LUM: variants seen among roughly 807,000 people sequenced by gnomAD.
The protein encoded by LUM is lumican.
In LUM, 13 loss-of-function variants were observed where a neutral mutation model predicts 20.5. That is an observed-to-expected ratio of 0.63 (90% confidence interval 0.41 to 1.01). The LOEUF (loss-of-function observed/expected upper bound fraction) is 1.01, where lower values mean the gene tolerates loss of function less well. Ranked by LOEUF, LUM falls within the 50% of genes least tolerant of loss-of-function variation. The pLI, the probability that LUM is intolerant of heterozygous loss-of-function variation, is 0.00. For synonymous variants in LUM, 173 were observed against 151.5 expected (o/e 1.14, Z -1.04); for missense variants, 321 against 391.1 (o/e 0.82, Z 1.51).
At chr12:91,105,538 G>A (rs1458380858) in intron 2 of LUM, among the ~76,000 whole-genome samples, 3 of 152,010 alleles carry the variant, frequency 2.0e-5, no homozygotes, top group African/African-American at 7.3e-5. Flanking sequence ...AACATTGAGG[G>A]GAACTTTCTG....
In LUM at chr12:91,103,907, C is replaced by A; in HGVS notation, c.*258G>T. ...GCAACCAGTAAAAGGTTTTGCACAT[C>A]ATTTGACAGTAGAAATAAAAAAACA... On this transcript the variant is annotated 3_prime_UTR_variant, in exon 3 of 3. Transcript: ENST00000266718. The A allele has an allele frequency of 3.3e-6, 1 of 307,500 alleles. No homozygotes were observed. The highest frequency in any genetic ancestry group is 4.4e-5 in the South Asian group (1 of 22,562). The allele number at this position is 307,500 out of a possible 1,614,324, so 19.0% of individuals were successfully genotyped here. A position where few individuals can be genotyped will look rare whatever the true frequency, so the allele number is the denominator to read the frequency against.
At chr12:91,106,352 T>C (rs142500140) in intron 2 of LUM, among the ~76,000 whole-genome samples, 37 of 152,310 alleles carry the variant, frequency 2.4e-4, no homozygotes, top group African/African-American at 8.4e-4. Context: ...TATTACTTTA[T>C]ATGTGAATCA....
chr12:91,107,125 G>A (rs1450500737), intron 2 of LUM, among the ~76,000 whole-genome samples: 14 of 144,690 alleles, frequency 9.7e-5, no homozygotes, highest in Admixed American at 6.4e-4. Context: ...CAGTCTGGGC[G>A]ACAGAGTGAG....
Position 91,104,191 on chromosome 12 carries a change from C to T in LUM, c.991G>A (p.Val331Ile). The change falls in exon 3 of 3, where the codon GTT becomes ATT. Residue 331 changes from valine to isoleucine, a missense_variant. Transcript: ENST00000266718. Reference sequence around the variant, plus strand: ...TAATTAAGAGTGACTTCGTTAGCAACACGTAGACATTCATACATATCCGGT... The same window carrying T: ...TAATTAAGAGTGACTTCGTTAGCAATACGTAGACATTCATACATATCCGGT... ...LPPDMYECLR[V>I]ANEVTLN is the part of the protein sequence containing the mutation. 1 of 1,612,572 alleles carries T rather than the reference C, an allele frequency of 6.2e-7. No individual in the cohort carries two copies.
At chr12:91,104,459 T>G in intron 2 of LUM, 140 bp from the exon 3 acceptor site, 1 of 583,072 alleles carries the variant, frequency 1.7e-6, no homozygotes, top group Non-Finnish European at 2.8e-6. Context: ...TGTTTGAATT[T>G]GCAACCATTA....
rs548685937 is a variant in LUM, at chr12:91,103,807, A to G, written c.*358T>C. 1 of 174,428 alleles carries G rather than the reference A, an allele frequency of 5.7e-6. No homozygotes were observed. Among genetic ancestry groups the G allele is most frequent in the Admixed American group, 5.9e-5 (1 of 17,014 alleles). 10.8% of individuals were successfully genotyped at this position (174,428 alleles called of 1,614,324 possible). ...TCAAGATAATTTGGTGCAAGAGAGTAACATCCATATGTATTTAATCCAAGC... is the reference window on the plus strand; with the variant it reads ...TCAAGATAATTTGGTGCAAGAGAGTGACATCCATATGTATTTAATCCAAGC... On this transcript the variant is annotated 3_prime_UTR_variant, in exon 3 of 3. Coordinates refer to ENST00000266718, the MANE Select transcript of LUM (RefSeq NM_002345.4).
At chr12:91,110,997 C>A (rs11105997) in intron 1 of LUM, among the ~76,000 whole-genome samples, 3,018 of 152,246 alleles carry the variant, frequency 0.02, 99 homozygotes, top group African/African-American at 0.067. Context: ...CAAATTGTCA[C>A]AATATGCTTA....
rs556101913 is a variant in LUM at position 91,103,897 on chromosome 12, T to C, written c.*268A>G. ...TGATTTCCATGCAACCAGTAAAAGG[T>C]TTTGCACATCATTTGACAGTAGAAA... On this transcript the variant is annotated 3_prime_UTR_variant, in exon 3 of 3. Coordinates refer to ENST00000266718, the MANE Select transcript of LUM (RefSeq NM_002345.4). The C allele has an allele frequency of 7.2e-6, 2 of 277,340 alleles. No homozygotes were observed. The highest frequency in any genetic ancestry group is 1.4e-5 in the Non-Finnish European group (2 of 146,780). 17.2% of individuals were successfully genotyped at this position (277,340 alleles called of 1,614,324 possible). A position where few individuals can be genotyped will look rare whatever the true frequency, so the allele number is the denominator to read the frequency against.
intron 2 of LUM, 66 bp from the exon 3 acceptor site, chr12:91,104,385 AT>A: frequency 9.1e-7 from 1 of 1,100,158 alleles, no homozygotes; most frequent in Non-Finnish European, 1.3e-6. Context: ...AATACAAAAA[AT>A]TTATGTTTAA....
chr12:91,108,304 T>G lies in LUM; in HGVS notation c.676A>C (p.Lys226Gln). 6.2e-7 allele frequency: 1 copy of G among 1,614,176 alleles called. No individual in the cohort carries two copies. The highest frequency in any genetic ancestry group is 1.3e-5 in the African/African-American group (1 of 75,054). The stretch of plus-strand genomic sequence containing the variant: ...AGATACTGCAATGCATTAAAACGCT[T>G]GAAATACTCATCAGGGATGTTGCTG... ...KISNIPDEYFKRFNALQYLRL... is the reference protein window; with the variant it reads ...KISNIPDEYFQRFNALQYLRL... The change falls in exon 2 of 3, where the codon AAG becomes CAG. Residue 226 changes from lysine (K) to glutamine (Q), a missense_variant. Transcript: ENST00000266718. The surrounding 1 kb of genome is among the most constrained non-coding windows in gnomAD (Gnocchi z 4.2).
In LUM at chr12:91,108,794, T is replaced by G. The variant is rs1026857115; in HGVS notation, c.186A>C (p.Pro62=). The G allele has an allele frequency of 1.9e-6, 3 of 1,613,972 alleles. No individual in the cohort carries two copies. Among genetic ancestry groups the G allele is most frequent in the South Asian group, 1.1e-5 (1 of 91,088 alleles). The change falls in exon 2 of 3, where the codon CCA becomes CCC. Residue 62 remains proline, a synonymous_variant. Coordinates refer to ENST00000266718, the MANE Select transcript of LUM (RefSeq NM_002345.4). This position sits in a 1 kb window ranked among gnomAD's most constrained non-coding sequence, Gnocchi z 4.2. ...YCDELKLKSV[P]MVPPGIKYLY... is the part of the protein sequence containing the mutation. ...GATACTTGATTCCAGGAGGCACCAT[T>G]GGTACACTTTTCAATTTCAGCTCAT...
At chr12:91,109,077 A>G (rs535573888) in intron 1 of LUM, 77 bp from the exon 2 acceptor site, 680 of 1,039,964 alleles carry the variant, frequency 6.5e-4, no homozygotes, top group Admixed American at 8.8e-4. Context: ...GCAACATTAA[A>G]TTCATTAGAA....
chr12:91,108,737 A>C lies in LUM; in HGVS notation c.243T>G (p.Ile81Met), dbSNP rs1880135265. The change falls in exon 2 of 3, where the codon ATT becomes ATG. Residue 81 changes from isoleucine to methionine, a missense_variant. Transcript: ENST00000266718. The surrounding 1 kb of genome is among the most constrained non-coding windows in gnomAD (Gnocchi z 4.2). The stretch of plus-strand genomic sequence containing the variant: ...TTACATTCTCAAAGGCCTTTTCATC[A>C]ATATGGTCAATCTGGTTATTCCTAA... ...LYLRNNQIDH[I>M]DEKAFENVTD... 4 of 1,613,964 alleles carry C rather than the reference A, an allele frequency of 2.5e-6. No homozygotes were observed. The highest frequency in any genetic ancestry group is 1.3e-5 in the African/African-American group (1 of 74,916).
At position 91,108,146 on chromosome 12, in the gene LUM, G is replaced by A; in HGVS notation, c.834C>T (p.Asn278=). 1.2e-6 allele frequency: 2 copies of A among 1,614,018 alleles called. No individual in the cohort carries two copies. Among genetic ancestry groups the A allele is most frequent in the South Asian group, 2.2e-5 (2 of 91,062 alleles). Residue 278 remains asparagine (N), a synonymous_variant, in exon 2 of 3, where the codon AAC becomes AAT. Coordinates refer to ENST00000266718, the MANE Select transcript of LUM (RefSeq NM_002345.4). The surrounding 1 kb of genome is among the most constrained non-coding windows in gnomAD (Gnocchi z 4.2). ...NIPTVNENLE[N]YYLEVNQLEK... is the part of the protein sequence containing the mutation. The stretch of plus-strand genomic sequence containing the variant: ...CAAGTTGATTGACCTCCAGGTAATA[G>A]TTTTCAAGGTTTTCATTGACAGTTG...
chr12:91,110,204 C>T (rs1014832423), intron 1 of LUM, among the ~76,000 whole-genome samples: 3 of 152,092 alleles, frequency 2.0e-5, no homozygotes, highest in Non-Finnish European at 4.4e-5. Flanking sequence ...GAAAGATCTA[C>T]ATTCTAATAG....
At position 91,104,241 on chromosome 12, in the gene LUM, T is replaced by G; in HGVS notation, c.941A>C (p.Asn314Thr). The G allele has an allele frequency of 1.9e-6, 3 of 1,612,972 alleles. No homozygotes were observed. The highest frequency in any genetic ancestry group is 1.7e-6 in the Non-Finnish European group (2 of 1,179,218). The change falls in exon 3 of 3, where the codon AAT (asparagine) becomes ACT (threonine). Residue 314 changes from asparagine (N) to threonine (T), a missense_variant. Coordinates refer to ENST00000266718, the MANE Select transcript of LUM (RefSeq NM_002345.4). ...SKIKHLRLDG[N>T]RISETSLPPD... ...TGGAAGACTGGTTTCTGAGATGCGATTGCCATCCAAACGCAAATGCTTGAT... is the reference window on the plus strand; with the variant it reads ...TGGAAGACTGGTTTCTGAGATGCGAGTGCCATCCAAACGCAAATGCTTGAT...
At chr12:91,107,293 GAAAGAAAGAA>G (rs1880089727) in intron 2 of LUM, among the ~76,000 whole-genome samples, 20 of 95,176 alleles carry the variant, frequency 2.1e-4, no homozygotes, top group African/African-American at 8.4e-4. Context: ...GAAAGAGAAA[GAAAGAAAGAA>G]AGAAAGAAAG....
rs1880127799 is a variant in LUM, at chr12:91,108,437, T to C, written c.543A>G (p.Lys181=). 6.2e-7 allele frequency: 1 copy of C among 1,614,144 alleles called. No individual in the cohort carries two copies. The highest frequency in any genetic ancestry group is 1.1e-5 in the South Asian group (1 of 91,072). ...CAAGGTATTCGAGTGATTTAAGACC[T>C]TTAAAAGCAGCTGAAACAGCATCCT... ...LKEDAVSAAF[K]GLKSLEYLDL... The change falls in exon 2 of 3, where the codon AAA becomes AAG. Residue 181 remains lysine, a synonymous_variant. Transcript: ENST00000266718. The surrounding 1 kb of genome is among the most constrained non-coding windows in gnomAD (Gnocchi z 4.2).
At chr12:91,110,029 T>C (rs768179698) in intron 1 of LUM, among the ~76,000 whole-genome samples, 2 of 152,186 alleles carry the variant, frequency 1.3e-5, no homozygotes, top group South Asian at 2.1e-4. Flanking sequence ...TATCTTCTCA[T>C]AGGAACATGT....
Sources: allele counts gnomAD v4.1 joint callset (sites outside exome capture counted in the v4.1 genomes callset), GRCh38; gene constraint gnomAD v4.1.1; non-coding constraint Gnocchi (gnomAD v3.1); transcripts MANE v1.5; gene names NCBI Gene and HGNC (gene_info 2026-07-23, HGNC 2026-07-21).